MPP7: variants seen among roughly 807,000 people sequenced by gnomAD.
The protein encoded by MPP7 is MAGUK p55 scaffold protein 7, also known as MAGUK p55 subfamily member 7.
A neutral mutation model predicts 76.5 loss-of-function variants in MPP7; 60 were observed. The ratio of observed to expected loss-of-function variants is 0.78; its 90% CI spans 0.64 to 0.97. The LOEUF is 0.97. Among genes scored for constraint, MPP7 ranks in the 50% least tolerant of loss-of-function variants. The pLI, the probability that MPP7 is intolerant of heterozygous loss-of-function variation, is 0.00. For synonymous variants in MPP7, 237 were observed against 244.5 expected, an observed-to-expected ratio of 0.97 and a Z score of 0.29; for missense variants, 641 against 694.0, an observed-to-expected ratio of 0.92 and a Z score of 0.86.
At chr10:28,195,464 AC>A (rs1394609341) in intron 3 of MPP7, among the ~76,000 whole-genome samples, 2 of 152,238 alleles carry the variant, frequency 1.3e-5, no homozygotes, top group African/African-American at 4.8e-5. Flanking sequence ...CATCACCATA[AC>A]AGCCAATAGG....
At chr10:28,106,275 C>G (rs1171900556) in intron 11 of MPP7, among the ~76,000 whole-genome samples, 1 of 152,162 alleles carries the variant, frequency 6.6e-6, no homozygotes, top group East Asian at 1.9e-4. Context: ...TTACCTCTCG[C>G]TACTAAAAGC....
At chr10:28,102,002 C>T (rs1000862652) in intron 11 of MPP7, among the ~76,000 whole-genome samples, 9 of 152,224 alleles carry the variant, frequency 5.9e-5, no homozygotes, top group Middle Eastern at 3.4e-3. Flanking sequence ...CAAGCATATA[C>T]ATATATAAAC....
intron 8 of MPP7, among the ~76,000 whole-genome samples, chr10:28,121,402 T>C (rs114290698): frequency 0.011 from 1,721 of 151,266 alleles, 36 homozygotes; most frequent in African/African-American, 0.039. Context: ...TTAGTGGCAA[T>C]GCCCATCAGA....
At chr10:28,113,813 A>G (rs1168536765) in intron 11 of MPP7, among the ~76,000 whole-genome samples, 1 of 152,202 alleles carries the variant, frequency 6.6e-6, no homozygotes, top group Non-Finnish European at 1.5e-5. Flanking sequence ...ATTCAATGCT[A>G]TGCTAATCAT....
At chr10:28,304,828 A>G (rs767177782), upstream of MPP7, among the ~76,000 whole-genome samples, 9 of 152,186 alleles carry the variant, frequency 5.9e-5, no homozygotes, top group Non-Finnish European at 1.0e-4. Flanking sequence ...TTATTCTTTT[A>G]TTCATTTACT....
chr10:28,304,117 T>C (rs1278211469), upstream of MPP7, among the ~76,000 whole-genome samples: 2 of 152,146 alleles, frequency 1.3e-5, no homozygotes, highest in African/African-American at 4.8e-5. Flanking sequence ...ATAGAGACTT[T>C]GAATGGAAAG....
chr10:28,155,716 G>C (rs905798898), intron 3 of MPP7, among the ~76,000 whole-genome samples: 2 of 152,078 alleles, frequency 1.3e-5, no homozygotes, highest in Non-Finnish European at 2.9e-5. Context: ...TAGCAGGTAA[G>C]ACGAGGAACA....
chr10:28,117,966 C>T, intron 11 of MPP7: 2 of 287,432 alleles, frequency 7.0e-6, no homozygotes, highest in South Asian at 1.4e-4. Flanking sequence ...GGAGGACCAG[C>T]AAACATTTCT....
chr10:28,261,273 G>A (rs1394635631), intron 1 of MPP7, among the ~76,000 whole-genome samples: 2 of 152,132 alleles, frequency 1.3e-5, no homozygotes, highest in South Asian at 2.1e-4. Context: ...ATGACTTAAC[G>A]AAAGACTGCC....
chr10:28,056,647 T>C (rs775408462), intron 15 of MPP7, 24 bp from the exon 16 acceptor site: 1 of 1,526,622 alleles, frequency 6.6e-7, no homozygotes, highest in African/African-American at 1.4e-5. Flanking sequence ...AAGAAAGTTT[T>C]CTCACATTTC....
At chr10:28,075,046 C>T (rs1243792323) in intron 12 of MPP7, among the ~76,000 whole-genome samples, 1 of 151,862 alleles carries the variant, frequency 6.6e-6, no homozygotes, top group Admixed American at 6.6e-5. Flanking sequence ...AGGAAACTTA[C>T]AGTCATGGGG....
intron 1 of MPP7, among the ~76,000 whole-genome samples, chr10:28,299,522 G>A (rs1333454634): frequency 5.9e-5 from 9 of 152,060 alleles, no homozygotes; most frequent in Non-Finnish European, 1.5e-5. Context: ...ATAACAGACA[G>A]AATAACAATG....
chr10:28,187,622 C>A (rs1361863583), intron 3 of MPP7, among the ~76,000 whole-genome samples: 3 of 152,208 alleles, frequency 2.0e-5, no homozygotes, highest in Non-Finnish European at 4.4e-5. Flanking sequence ...CCACCTCTCC[C>A]TTCCCCAAAC....
chr10:28,269,249 G>C (rs1235035633), intron 1 of MPP7, among the ~76,000 whole-genome samples: 1 of 152,166 alleles, frequency 6.6e-6, no homozygotes, highest in Non-Finnish European at 1.5e-5. Context: ...TAGAAAAGGA[G>C]AACAAATTAG....
rs544923863 is a variant in MPP7 at position 28,063,956 on chromosome 10, T to C, written c.1205-4213A>G. Among the ~76,000 whole-genome samples, 5 of 152,320 alleles carry C rather than the reference T, an allele frequency of 3.3e-5. No homozygotes were observed. The East Asian group carries it at 9.6e-4, about 29-fold the overall frequency. ...TGACTACACCAAGTGTTGGCAAGGA[T>C]GTGAAGCACCTGGAGCTCACATACG... is the stretch of plus-strand genomic sequence containing the variant. On this transcript the variant is annotated intron_variant, in intron 13 of 16. Transcript: ENST00000683449.
intron 3 of MPP7, among the ~76,000 whole-genome samples, chr10:28,168,093 C>T (rs886685379): frequency 2.6e-5 from 4 of 151,966 alleles, no homozygotes; most frequent in African/African-American, 4.8e-5. Context: ...AAAATTTAGT[C>T]GGGCATGGTG....
intron 5 of MPP7, among the ~76,000 whole-genome samples, chr10:28,135,287 T>C (rs1835319714): frequency 6.6e-6 from 1 of 152,130 alleles, no homozygotes; most frequent in Admixed American, 6.6e-5. Context: ...GATACAGAAT[T>C]TGGGAGATCT....
chr10:28,328,663 T>A, intron 2 of MPP7, among the ~76,000 whole-genome samples: 1 of 151,978 alleles, frequency 6.6e-6, no homozygotes, highest in African/African-American at 2.4e-5. Context: ...AAAGATATTA[T>A]ACCAAAATTA....
intron 15 of MPP7, chr10:28,057,702 T>G: frequency 7.9e-7 from 1 of 1,272,204 alleles, no homozygotes; most frequent in Non-Finnish European, 1.0e-6. Flanking sequence ...AGTGCCCAAG[T>G]CAGGAGGCAG....
Sources: gnomAD v4.1 joint callset for allele counts (sites outside exome capture counted in the v4.1 genomes callset) on GRCh38, gnomAD v4.1.1 for gene constraint, MANE v1.5 for transcripts, NCBI Gene and HGNC (gene_info 2026-07-23, HGNC 2026-07-21) for gene names.